Variants in WDR49 observed in about 807,000 individuals in gnomAD.
The protein encoded by WDR49 is cilia- and flagella-associated protein 337.
Under a neutral mutation model 119.5 loss-of-function variants are expected in WDR49, and 107 were observed. The observed-to-expected ratio is 0.90, with a 90% CI of 0.77 to 1.05. WDR49 has a LOEUF of 1.05. Among genes scored for constraint, WDR49 ranks in the 50% least tolerant of loss-of-function variants. WDR49 has a pLI of 0.00. For synonymous variants in WDR49, 425 were observed against 418.8 expected, an observed-to-expected ratio of 1.01 and a Z score of -0.18; for missense variants, 1,240 against 1,220.5, an observed-to-expected ratio of 1.02 and a Z score of -0.24.
At chr3:167,651,253 A>C (rs1409735984) in intron 2 of WDR49, among the ~76,000 whole-genome samples, 3 of 152,168 alleles carry the variant, frequency 2.0e-5, no homozygotes, top group African/African-American at 7.2e-5. Flanking sequence ...AAAAAAATGA[A>C]GATATAAAGG....
At chr3:167,513,914 T>A (rs996913726) in intron 16 of WDR49, among the ~76,000 whole-genome samples, 1 of 152,216 alleles carries the variant, frequency 6.6e-6, no homozygotes, top group Non-Finnish European at 1.5e-5. Context: ...GAGCTAACTA[T>A]GCTAAATATA....
chr3:167,646,629 T>C (rs1012427687), intron 2 of WDR49, among the ~76,000 whole-genome samples: 2 of 152,224 alleles, frequency 1.3e-5, no homozygotes, highest in African/African-American at 4.8e-5. Context: ...CTTTATTTTA[T>C]GAAATTCTTA....
In WDR49 at chr3:167,531,297, C is replaced by A. The variant is rs758074744; in HGVS notation, c.2054-18G>T. Reference sequence around the variant, plus strand: ...TTTTGTATCTGTGAGGGAGACAAAGCCAAGTATATTAATGAAGAAAAATAT... The same window carrying A: ...TTTTGTATCTGTGAGGGAGACAAAGACAAGTATATTAATGAAGAAAAATAT... On this transcript the variant is annotated intron_variant, in intron 12 of 18. Coordinates refer to ENST00000682715, the MANE Select transcript of WDR49 (RefSeq NM_001366157.1). 10 of 1,609,386 alleles carry A rather than the reference C, an allele frequency of 6.2e-6. No individual in the cohort carries two copies. Among genetic ancestry groups the A allele is most frequent in the Non-Finnish European group, 8.5e-6 (10 of 1,178,928 alleles).
At chr3:167,536,822 A>T (rs1753052724) in intron 11 of WDR49, 48 bp downstream of exon 11, 3 of 1,415,062 alleles carry the variant, frequency 2.1e-6, no homozygotes, top group Admixed American at 2.6e-5. Context: ...AAACAAACCA[A>T]AACAAATCAA....
At chr3:167,590,242 G>A (rs986789868) in intron 7 of WDR49, among the ~76,000 whole-genome samples, 1 of 152,032 alleles carries the variant, frequency 6.6e-6, no homozygotes, top group East Asian at 1.9e-4. Flanking sequence ...TTGCAACCTT[G>A]GGATAAATCC....
intron 10 of WDR49, among the ~76,000 whole-genome samples, chr3:167,546,502 G>T (rs1712209493): frequency 6.6e-6 from 1 of 151,788 alleles, no homozygotes; most frequent in African/African-American, 2.4e-5. Flanking sequence ...GAGTCTGAGA[G>T]ACTTGTTTTC....
chr3:167,484,988 T>G lies in WDR49; in HGVS notation c.3032-5992A>C, dbSNP rs185103475. 1.5e-3 allele frequency among the ~76,000 whole-genome samples: 222 copies of G among 152,018 alleles called. 1 individual carries two copies. The highest frequency in any genetic ancestry group is 5.2e-3 in the African/African-American group (215 of 41,464). On this transcript the variant is annotated intron_variant, in intron 18 of 18. Transcript: ENST00000682715. ...ACTGGATAAAGAAAATGTGGCACAT[T>G]TACACCATGGAATACTAGGCAGCCA...
At chr3:167,604,959 G>T (rs1361811319) in intron 5 of WDR49, among the ~76,000 whole-genome samples, 1 of 151,936 alleles carries the variant, frequency 6.6e-6, no homozygotes, top group Non-Finnish European at 1.5e-5. Context: ...CCTCATTAAG[G>T]AGTTAAAAAC....
intron 9 of WDR49, among the ~76,000 whole-genome samples, chr3:167,555,984 G>A (rs974271659): frequency 6.6e-5 from 10 of 152,116 alleles, no homozygotes; most frequent in Non-Finnish European, 8.8e-5. Context: ...GTCAACAACT[G>A]TAACACAATG....
intron 18 of WDR49, among the ~76,000 whole-genome samples, chr3:167,496,463 ATTTT>A (rs77157538): frequency 5.6e-5 from 8 of 142,848 alleles, no homozygotes; most frequent in African/African-American, 2.1e-4. Flanking sequence ...ATCCCCCGCT[ATTTT>A]TTTTTTTTAA....
At chr3:167,489,135 T>C (rs1383661393) in intron 18 of WDR49, among the ~76,000 whole-genome samples, 1 of 152,120 alleles carries the variant, frequency 6.6e-6, no homozygotes, top group South Asian at 2.1e-4. Context: ...TCTCTCTTCC[T>C]AGACAATAAA....
At chr3:167,511,642 G>A (rs1188532781) in intron 16 of WDR49, among the ~76,000 whole-genome samples, 1 of 152,188 alleles carries the variant, frequency 6.6e-6, no homozygotes, top group East Asian at 1.9e-4. Flanking sequence ...GCACAGAACT[G>A]TGCAGATTCT....
chr3:167,638,440 A>T (rs2108337611), intron 2 of WDR49, among the ~76,000 whole-genome samples: 1 of 151,696 alleles, frequency 6.6e-6, no homozygotes, highest in Admixed American at 6.6e-5. Context: ...TATAACTATA[A>T]TTAAATTTAA....
intron 8 of WDR49, among the ~76,000 whole-genome samples, chr3:167,570,913 G>A (rs9836921): frequency 2.6e-3 from 394 of 151,802 alleles, no homozygotes; most frequent in Non-Finnish European, 4.4e-3. Context: ...GCGCACACCT[G>A]TAATCCCAGC....
intron 18 of WDR49, among the ~76,000 whole-genome samples, chr3:167,496,600 C>T (rs1195748415): frequency 1.3e-5 from 2 of 152,100 alleles, no homozygotes; most frequent in African/African-American, 2.4e-5. Context: ...CCATAGCCCT[C>T]GTTGTAGAAT....
intron 5 of WDR49, among the ~76,000 whole-genome samples, chr3:167,607,836 G>GCT (rs1211337276): frequency 2.0e-5 from 3 of 152,074 alleles, no homozygotes; most frequent in African/African-American, 7.2e-5. Flanking sequence ...CACGGGAACA[G>GCT]TATTTCTATG....
At chr3:167,652,516 G>A (rs75494706) in intron 2 of WDR49, among the ~76,000 whole-genome samples, 36 of 152,256 alleles carry the variant, frequency 2.4e-4, no homozygotes, top group African/African-American at 8.2e-4. Flanking sequence ...TCTACGTCAT[G>A]GAAGAGCACT....
chr3:167,596,628 C>T (rs372936235), intron 7 of WDR49, among the ~76,000 whole-genome samples: 1 of 145,052 alleles, frequency 6.9e-6, no homozygotes, highest in African/African-American at 2.6e-5. Flanking sequence ...GAACAAAAAA[C>T]CAAACACCGC....
At chr3:167,504,818 C>A (rs1372819489) in intron 17 of WDR49, among the ~76,000 whole-genome samples, 1 of 151,988 alleles carries the variant, frequency 6.6e-6, no homozygotes, top group Non-Finnish European at 1.5e-5. Context: ...AGGGTGGATC[C>A]CTCACGGCTT....
Sources: allele counts gnomAD v4.1 joint callset (sites outside exome capture counted in the v4.1 genomes callset), GRCh38; gene constraint gnomAD v4.1.1; transcripts MANE v1.5; gene names NCBI Gene and HGNC (gene_info 2026-07-23, HGNC 2026-07-21).